CADM2: variants seen among roughly 807,000 people sequenced by gnomAD.
The protein encoded by CADM2 is cell adhesion molecule 2.
In CADM2, 12 loss-of-function variants were observed where a neutral mutation model predicts 49.8. That is an observed-to-expected ratio of 0.24 (90% CI 0.15 to 0.39). The LOEUF is 0.39. Ranked by LOEUF, CADM2 falls within the 10% of genes least tolerant of loss-of-function variation. The probability of loss-of-function intolerance (pLI) is 1.00; values close to 1 mark genes in which losing one functional copy is unlikely to be tolerated. For synonymous variants in CADM2, 214 were observed against 175.4 expected (o/e 1.22, Z -1.74); for missense variants, 378 against 492.3 (o/e 0.77, Z 2.20).
intron 1 of CADM2, among the ~76,000 whole-genome samples, chr3:85,436,904 T>C (rs545259035): frequency 6.6e-6 from 1 of 152,314 alleles, no homozygotes; most frequent in Non-Finnish European, 1.5e-5. Context: ...CTTGTTACTG[T>C]ACGTTTATGA....
At chr3:85,708,782 G>A (rs1302666016) in intron 1 of CADM2, among the ~76,000 whole-genome samples, 2 of 152,086 alleles carry the variant, frequency 1.3e-5, no homozygotes, top group Non-Finnish European at 2.9e-5. Flanking sequence ...ACAGAACTAA[G>A]TGACAATGAA....
chr3:85,176,800 A>C (rs1405115424), intron 1 of CADM2, among the ~76,000 whole-genome samples: 1 of 152,212 alleles, frequency 6.6e-6, no homozygotes, highest in Non-Finnish European at 1.5e-5. Context: ...ATAACACTAG[A>C]GTTGGCAGGA....
At chr3:85,979,399 A>G in intron 8 of CADM2, 1 of 1,195,826 alleles carries the variant, frequency 8.4e-7, no homozygotes. Flanking sequence ...AGAAGTAATT[A>G]AGTCACCTAA....
intron 3 of CADM2, among the ~76,000 whole-genome samples, chr3:85,867,561 A>C (rs973271628): frequency 4.6e-5 from 7 of 152,132 alleles, no homozygotes; most frequent in Non-Finnish European, 8.8e-5. Flanking sequence ...TAAATATTTT[A>C]AAAAGAATTT....
chr3:85,245,530 A>T (rs1477234470), intron 1 of CADM2, among the ~76,000 whole-genome samples: 1 of 151,594 alleles, frequency 6.6e-6, no homozygotes, highest in East Asian at 1.9e-4. Context: ...AAAGATAATA[A>T]TAATTAATAA....
chr3:85,646,368 C>A (rs2064885290), intron 1 of CADM2, among the ~76,000 whole-genome samples: 1 of 151,874 alleles, frequency 6.6e-6, no homozygotes, highest in South Asian at 2.1e-4. Flanking sequence ...TACTGGTAAG[C>A]AGTTAATGAA....
At chr3:85,832,473 T>C (rs1321568167) in intron 3 of CADM2, among the ~76,000 whole-genome samples, 2 of 152,006 alleles carry the variant, frequency 1.3e-5, no homozygotes, top group Non-Finnish European at 1.5e-5. Context: ...CATTTCTTTG[T>C]ATCATCTATG....
chr3:85,094,869 T>A (rs556090362), intron 1 of CADM2, among the ~76,000 whole-genome samples: 15 of 152,192 alleles, frequency 9.9e-5, no homozygotes, highest in South Asian at 4.1e-4. Flanking sequence ...CTTTTTTTTT[T>A]AAATAAGAAG....
At chr3:85,351,313 T>C (rs2107237880) in intron 1 of CADM2, among the ~76,000 whole-genome samples, 1 of 152,266 alleles carries the variant, frequency 6.6e-6, no homozygotes, top group Admixed American at 6.5e-5. Flanking sequence ...ATTTCATATT[T>C]TAGAATTAAA....
intron 1 of CADM2, among the ~76,000 whole-genome samples, chr3:85,242,891 C>T (rs2042562399): frequency 6.6e-6 from 1 of 151,782 alleles, no homozygotes; most frequent in Non-Finnish European, 1.5e-5. Flanking sequence ...AATTACAACA[C>T]ATCAATGATA....
chr3:85,376,310 C>T (rs921486234), intron 1 of CADM2, among the ~76,000 whole-genome samples: 2 of 152,030 alleles, frequency 1.3e-5, no homozygotes, highest in African/African-American at 4.8e-5. Flanking sequence ...TTTAATACAA[C>T]CTCACAGCAG....
At chr3:85,719,397 G>A (rs2067418378) in intron 1 of CADM2, among the ~76,000 whole-genome samples, 1 of 152,062 alleles carries the variant, frequency 6.6e-6, no homozygotes, top group African/African-American at 2.4e-5. Context: ...AAAAATTCAA[G>A]GAAAACTCCT....
intron 1 of CADM2, among the ~76,000 whole-genome samples, chr3:84,972,902 T>C (rs937988944): frequency 6.6e-6 from 1 of 152,168 alleles, no homozygotes; most frequent in Non-Finnish European, 1.5e-5. Context: ...TCTATCTTTC[T>C]TTCTTTCTTT....
At chr3:85,855,561 T>A (rs949582016) in intron 3 of CADM2, among the ~76,000 whole-genome samples, 1 of 145,248 alleles carries the variant, frequency 6.9e-6, no homozygotes. Flanking sequence ...TTTTATATAT[T>A]TATATTTATA....
At chr3:85,147,214 G>T (rs1226132736) in intron 1 of CADM2, among the ~76,000 whole-genome samples, 1 of 143,150 alleles carries the variant, frequency 7.0e-6, no homozygotes, top group Non-Finnish European at 1.5e-5. Flanking sequence ...GGCGGAGCTT[G>T]CGGTGAGCTG....
intron 1 of CADM2, among the ~76,000 whole-genome samples, chr3:85,466,785 T>A (rs1356417299): frequency 6.6e-6 from 1 of 151,926 alleles, no homozygotes; most frequent in African/African-American, 2.4e-5. Context: ...TTTTCAACAG[T>A]TTCCCCCCAT....
chr3:85,176,475 C>A (rs1054909395), intron 1 of CADM2, among the ~76,000 whole-genome samples: 2 of 152,038 alleles, frequency 1.3e-5, no homozygotes, highest in East Asian at 3.9e-4. Context: ...ATGTCAGAAA[C>A]CTCACTTTTT....
At position 84,994,787 on chromosome 3, in the gene CADM2, A is replaced by T. The variant is rs2033084653; in HGVS notation, c.61+35119A>T. Among the ~76,000 whole-genome samples, 4 of 152,052 alleles carry T rather than the reference A, an allele frequency of 2.6e-5. No individual in the cohort carries two copies. The South Asian group carries it at 8.3e-4, about 32-fold the overall frequency. On this transcript the variant is annotated intron_variant, in intron 1 of 9. Coordinates refer to ENST00000383699, the MANE Select transcript of CADM2 (RefSeq NM_001167675.2). ...CTCATGCCTATAATCCCAGCACTTT[A>T]GGAGGCCCAGGTGGCCAGATCACGA...
intron 3 of CADM2, among the ~76,000 whole-genome samples, chr3:85,856,596 C>A (rs947492228): frequency 1.3e-5 from 2 of 152,066 alleles, no homozygotes; most frequent in Non-Finnish European, 2.9e-5. Flanking sequence ...TCAAGGATTA[C>A]AGGCATCAAT....
Sources: allele counts gnomAD v4.1 joint callset (sites outside exome capture counted in the v4.1 genomes callset), GRCh38; gene constraint gnomAD v4.1.1; transcripts MANE v1.5; gene names NCBI Gene and HGNC (gene_info 2026-07-23, HGNC 2026-07-21).